GALNTL6: variants seen among roughly 807,000 people sequenced by gnomAD.
GALNTL6 encodes polypeptide N-acetylgalactosaminyltransferase like 6, also known as polypeptide N-acetylgalactosaminyltransferase-like 6.
Under a neutral mutation model 73.7 loss-of-function variants are expected in GALNTL6, and 46 were observed. The observed-to-expected ratio is 0.62, with a 90% CI of 0.49 to 0.80. The LOEUF is 0.80. GALNTL6 is among the 30% of genes least tolerant of loss of function. GALNTL6 has a pLI of 0.00. For synonymous variants in GALNTL6, 259 were observed against 263.7 expected (o/e 0.98, Z 0.17); for missense variants, 604 against 755.0 (o/e 0.80, Z 2.34).
intron 2 of GALNTL6, among the ~76,000 whole-genome samples, chr4:171,841,068 G>A (rs1198053278): frequency 6.6e-6 from 1 of 152,168 alleles, no homozygotes; most frequent in South Asian, 2.1e-4. Flanking sequence ...GGGTGGCTGT[G>A]AACAAAACCT....
chr4:172,127,015 T>C (rs960145899), intron 2 of GALNTL6, among the ~76,000 whole-genome samples: 3 of 152,180 alleles, frequency 2.0e-5, no homozygotes, highest in African/African-American at 7.2e-5. Context: ...AAGGACAAGC[T>C]TACCTGCCCC....
At chr4:172,816,845 G>T (rs1020911975) in intron 7 of GALNTL6, among the ~76,000 whole-genome samples, 2 of 151,940 alleles carry the variant, frequency 1.3e-5, no homozygotes, top group African/African-American at 4.8e-5. Flanking sequence ...CGGTGGCCGC[G>T]CCTGTATTCC....
intron 2 of GALNTL6, among the ~76,000 whole-genome samples, chr4:172,060,384 A>G (rs973759733): frequency 6.6e-6 from 1 of 152,202 alleles, no homozygotes; most frequent in African/African-American, 2.4e-5. Context: ...ATTTATTGAT[A>G]ATGCATACGC....
chr4:172,215,579 C>CT (rs995381944), intron 2 of GALNTL6, among the ~76,000 whole-genome samples: 1 of 152,070 alleles, frequency 6.6e-6, no homozygotes, highest in East Asian at 1.9e-4. Flanking sequence ...CTTTCTCCAT[C>CT]TTTTTTACTT....
At chr4:171,928,725 C>G (rs987915147) in intron 2 of GALNTL6, among the ~76,000 whole-genome samples, 3 of 152,172 alleles carry the variant, frequency 2.0e-5, no homozygotes, top group Non-Finnish European at 2.9e-5. Flanking sequence ...TTTAGACAGG[C>G]AAATAGCACT....
intron 5 of GALNTL6, among the ~76,000 whole-genome samples, chr4:172,495,981 A>G (rs1734058583): frequency 6.6e-6 from 1 of 152,224 alleles, no homozygotes; most frequent in African/African-American, 2.4e-5. Context: ...CTTGCCAAGA[A>G]TTGCATAAAA....
At chr4:172,557,472 A>G (rs1736192594) in intron 5 of GALNTL6, among the ~76,000 whole-genome samples, 1 of 152,160 alleles carries the variant, frequency 6.6e-6, no homozygotes, top group Admixed American at 6.5e-5. Context: ...ACGGACTGGG[A>G]GAAAATATTT....
intron 2 of GALNTL6, among the ~76,000 whole-genome samples, chr4:171,991,712 A>ATGTGTG (rs376844621): frequency 3.6e-5 from 5 of 137,296 alleles, no homozygotes; most frequent in African/African-American, 7.8e-5. Context: ...GTTTGATTAT[A>ATGTGTG]TGTGTGTGTG....
At chr4:171,942,998 C>A (rs1449483675) in intron 2 of GALNTL6, among the ~76,000 whole-genome samples, 1 of 152,160 alleles carries the variant, frequency 6.6e-6, no homozygotes, top group Non-Finnish European at 1.5e-5. Flanking sequence ...GGTATGCCGT[C>A]TACACAAAAA....
intron 5 of GALNTL6, among the ~76,000 whole-genome samples, chr4:172,731,734 G>A (rs753591586): frequency 1.6e-4 from 25 of 151,836 alleles, no homozygotes; most frequent in Non-Finnish European, 3.1e-4. Context: ...ATAGAGTTTG[G>A]CATTTTGCAT....
At position 171,814,539 on chromosome 4, in the gene GALNTL6, G is replaced by A. The variant is rs373071384; in HGVS notation, c.-42G>A. 28 of 1,607,878 alleles carry A rather than the reference G, an allele frequency of 1.7e-5. No individual in the cohort carries two copies. Among genetic ancestry groups the A allele is most frequent in the Non-Finnish European group, 2.3e-5 (27 of 1,175,962 alleles). On this transcript the variant is annotated 5_prime_UTR_variant, in exon 2 of 13. Coordinates refer to ENST00000506823, the MANE Select transcript of GALNTL6 (RefSeq NM_001034845.3). ...GACATTAAACACAAGAAGCAGTCAGGGAGCCATCTCCTTTAACTTTTCTTC... is the reference window on the plus strand; with the variant it reads ...GACATTAAACACAAGAAGCAGTCAGAGAGCCATCTCCTTTAACTTTTCTTC...
At chr4:172,383,270 A>G (rs1222409654) in intron 5 of GALNTL6, among the ~76,000 whole-genome samples, 1 of 149,474 alleles carries the variant, frequency 6.7e-6, no homozygotes, top group African/African-American at 2.5e-5. Context: ...CATTTTTTTT[A>G]GATTTTCTGT....
chr4:171,858,576 CAAGT>C (rs1244156928), intron 2 of GALNTL6, among the ~76,000 whole-genome samples: 1 of 150,024 alleles, frequency 6.7e-6, no homozygotes, highest in African/African-American at 2.5e-5. Flanking sequence ...GTACTCATGC[CAAGT>C]AAGTAAAAAC....
At chr4:172,549,476 G>A (rs1291354967) in intron 5 of GALNTL6, among the ~76,000 whole-genome samples, 1 of 151,960 alleles carries the variant, frequency 6.6e-6, no homozygotes, top group African/African-American at 2.4e-5. Flanking sequence ...TCTTATATGA[G>A]ATCAATTACT....
intron 5 of GALNTL6, among the ~76,000 whole-genome samples, chr4:172,430,923 T>C (rs1358931100): frequency 6.6e-6 from 1 of 152,198 alleles, no homozygotes; most frequent in Non-Finnish European, 1.5e-5. Context: ...AATCATAAAC[T>C]AGCACAATCT....
At chr4:172,442,070 A>C (rs1351619141) in intron 5 of GALNTL6, among the ~76,000 whole-genome samples, 1 of 152,162 alleles carries the variant, frequency 6.6e-6, no homozygotes, top group Non-Finnish European at 1.5e-5. Flanking sequence ...TAAATAATGC[A>C]TTTTTAAACA....
At chr4:172,493,312 T>C (rs1226760301) in intron 5 of GALNTL6, among the ~76,000 whole-genome samples, 1 of 152,198 alleles carries the variant, frequency 6.6e-6, no homozygotes, top group African/African-American at 2.4e-5. Flanking sequence ...TTGCTACCAC[T>C]AACAGAAAGA....
chr4:172,935,112 A>C (rs917677185), intron 9 of GALNTL6, among the ~76,000 whole-genome samples: 1 of 152,194 alleles, frequency 6.6e-6, no homozygotes, highest in Non-Finnish European at 1.5e-5. Context: ...AGTGGTCTTC[A>C]TGGGAACAAC....
intron 2 of GALNTL6, among the ~76,000 whole-genome samples, chr4:172,008,868 T>C (rs1470549923): frequency 1.3e-5 from 2 of 152,074 alleles, no homozygotes; most frequent in Admixed American, 1.3e-4. Context: ...CCTCTACTGC[T>C]TAGAAGATGT....
Sources: gnomAD v4.1 joint callset for allele counts (sites outside exome capture counted in the v4.1 genomes callset) on GRCh38, gnomAD v4.1.1 for gene constraint, MANE v1.5 for transcripts, NCBI Gene and HGNC (gene_info 2026-07-23, HGNC 2026-07-21) for gene names.